DNAJC15: variants seen among roughly 807,000 people sequenced by gnomAD.
DNAJC15 encodes DnaJ heat shock protein family (Hsp40) member C15.
DNAJC15 carries 27 observed loss-of-function variants against 22.4 expected under a neutral mutation model. The observed-to-expected ratio is 1.20, with a 90% CI of 0.89 to 1.66. The LOEUF is 1.66. Ranked by LOEUF, DNAJC15 falls within the 40% of genes most tolerant of loss-of-function variation. The pLI is 0.00. For missense variants in DNAJC15, 208 were observed against 187.1 expected (o/e 1.11, Z -0.65); for synonymous variants, 79 against 63.2 (o/e 1.25, Z -1.19).
At chr13:43,070,642 G>C (rs925747527) in intron 3 of DNAJC15, among the ~76,000 whole-genome samples, 1 of 152,086 alleles carries the variant, frequency 6.6e-6, no homozygotes, top group South Asian at 2.1e-4. Context: ...GAGCTTCCTA[G>C]GTGGTGGGAT....
At chr13:43,041,017 C>T (rs1238518704) in intron 1 of DNAJC15, among the ~76,000 whole-genome samples, 3 of 152,200 alleles carry the variant, frequency 2.0e-5, no homozygotes, top group African/African-American at 4.8e-5. Flanking sequence ...GAGACAGATG[C>T]CTTCCTCATG....
chr13:43,042,071 C>A (rs2040456656), intron 1 of DNAJC15, among the ~76,000 whole-genome samples: 1 of 152,178 alleles, frequency 6.6e-6, no homozygotes, highest in Non-Finnish European at 1.5e-5. Context: ...CCCCTCTTAT[C>A]TGTGGGTTCT....
chr13:43,068,136 T>G (rs914549996), intron 2 of DNAJC15, among the ~76,000 whole-genome samples: 2 of 152,144 alleles, frequency 1.3e-5, no homozygotes, highest in East Asian at 3.8e-4. Context: ...AAGCCTGTAG[T>G]GTCATATACT....
intron 1 of DNAJC15, among the ~76,000 whole-genome samples, chr13:43,045,939 T>C (rs967287249): frequency 4.6e-5 from 7 of 152,256 alleles, no homozygotes; most frequent in Non-Finnish European, 8.8e-5. Context: ...ATAGGGATTT[T>C]GTCTGATATA....
At chr13:43,106,490 A>AT (rs1411659834) in intron 5 of DNAJC15, among the ~76,000 whole-genome samples, 1 of 152,152 alleles carries the variant, frequency 6.6e-6, no homozygotes, top group Non-Finnish European at 1.5e-5. Context: ...AGAACTCTAA[A>AT]AAAGAACTGA....
chr13:43,030,317 A>G (rs1323171680), intron 1 of DNAJC15, among the ~76,000 whole-genome samples: 1 of 152,244 alleles, frequency 6.6e-6, no homozygotes, highest in Non-Finnish European at 1.5e-5. Flanking sequence ...GCCACCCTCA[A>G]GGGCAGAGGA....
At chr13:43,030,745 G>A (rs1028316632) in intron 1 of DNAJC15, among the ~76,000 whole-genome samples, 1 of 152,210 alleles carries the variant, frequency 6.6e-6, no homozygotes, top group South Asian at 2.1e-4. Flanking sequence ...GAACTCCCCA[G>A]CAGTGGAGAT....
intron 3 of DNAJC15, among the ~76,000 whole-genome samples, chr13:43,069,675 A>G (rs1278076212): frequency 6.6e-6 from 1 of 152,238 alleles, no homozygotes; most frequent in Admixed American, 6.5e-5. Flanking sequence ...CATTGGCTTC[A>G]GGGAAACAGA....
At chr13:43,063,598 ATTT>A (rs1183837372) in intron 1 of DNAJC15, among the ~76,000 whole-genome samples, 1 of 152,060 alleles carries the variant, frequency 6.6e-6, no homozygotes, top group Non-Finnish European at 1.5e-5. Flanking sequence ...TAGCCATTTA[ATTT>A]TGTGTGTGTG....
intron 5 of DNAJC15, among the ~76,000 whole-genome samples, chr13:43,089,943 G>A (rs1193726912): frequency 6.6e-6 from 1 of 152,122 alleles, no homozygotes; most frequent in African/African-American, 2.4e-5. Flanking sequence ...TAAAACTGGT[G>A]GTGTCTTAAC....
In DNAJC15 at chr13:43,107,845, G is replaced by T. The variant is rs895675369; in HGVS notation, c.*597G>T. 1 of 152,226 alleles carries T rather than the reference G, an allele frequency of 6.6e-6. No individual in the cohort carries two copies. The highest frequency in any genetic ancestry group is 2.4e-5 in the African/African-American group (1 of 41,452). 9.4% of individuals were successfully genotyped at this position (152,226 alleles called of 1,614,324 possible). On this transcript the variant is annotated 3_prime_UTR_variant, in exon 6 of 6. Transcript: ENST00000379221. ...TATAGCCAAAGCATGAGGACTTGGA[G>T]AGCTACTAAAATGATTCAGGTTTAC...
At chr13:43,094,389 C>T (rs7318612) in intron 5 of DNAJC15, among the ~76,000 whole-genome samples, 2,923 of 152,298 alleles carry the variant, frequency 0.019, 77 homozygotes, top group South Asian at 0.11. Context: ...CCTACTTAAT[C>T]AGAAAACCTG....
chr13:43,055,122 GC>G (rs2040524078), intron 1 of DNAJC15, among the ~76,000 whole-genome samples: 1 of 151,670 alleles, frequency 6.6e-6, no homozygotes, highest in Non-Finnish European at 1.5e-5. Context: ...TTGGGGGGAT[GC>G]CTGCAGCTGC....
intron 4 of DNAJC15, among the ~76,000 whole-genome samples, chr13:43,083,092 T>C (rs1459974922): frequency 1.3e-5 from 2 of 152,084 alleles, no homozygotes; most frequent in Non-Finnish European, 1.5e-5. Flanking sequence ...TTTTAAGGAG[T>C]TTACCTTTTT....
rs1461972987 is a variant in DNAJC15, at chr13:43,035,052, T to C, written c.108+11318T>C. ...TTCCTTTATCTTTTCCCTATATAGC[T>C]GATGAGGTAAGAGCAAAAGATATCC... On this transcript the variant is annotated intron_variant, in intron 1 of 5. Transcript: ENST00000379221. Among the ~76,000 whole-genome samples, 3 of 152,296 alleles carry C rather than the reference T, an allele frequency of 2.0e-5. No homozygotes were observed. In the East Asian group the frequency reaches 5.8e-4, roughly 29 times the overall value.
intron 1 of DNAJC15, among the ~76,000 whole-genome samples, chr13:43,042,489 A>G (rs1408779206): frequency 6.6e-6 from 1 of 152,204 alleles, no homozygotes; most frequent in Non-Finnish European, 1.5e-5. Context: ...GGTGAAACAG[A>G]AGGGCAGGAG....
chr13:43,061,415 A>G (rs1247383882), intron 1 of DNAJC15, among the ~76,000 whole-genome samples: 1 of 152,152 alleles, frequency 6.6e-6, no homozygotes, highest in African/African-American at 2.4e-5. Flanking sequence ...CCTTGTCAGC[A>G]TAAGCGTTGT....
intron 5 of DNAJC15, among the ~76,000 whole-genome samples, chr13:43,103,257 T>C (rs1333760157): frequency 6.6e-6 from 1 of 152,206 alleles, no homozygotes; most frequent in African/African-American, 2.4e-5. Context: ...TTTCTGAAAC[T>C]CTGTGTTGGA....
chr13:43,075,117 T>C (rs2040627371), intron 3 of DNAJC15, among the ~76,000 whole-genome samples: 1 of 152,230 alleles, frequency 6.6e-6, no homozygotes, highest in Non-Finnish European at 1.5e-5. Flanking sequence ...TATACTTTTC[T>C]GCACCCAGCC....
Sources: allele counts gnomAD v4.1 joint callset (sites outside exome capture counted in the v4.1 genomes callset), GRCh38; gene constraint gnomAD v4.1.1; transcripts MANE v1.5; gene names NCBI Gene and HGNC (gene_info 2026-07-23, HGNC 2026-07-21).